The following PIBF1 variants were observed in gnomAD, a reference collection of about 807,000 sequenced individuals.
PIBF1 encodes progesterone immunomodulatory binding factor 1.
In PIBF1, 90 loss-of-function variants were observed where a neutral mutation model predicts 112.5. The ratio of observed to expected loss-of-function variants is 0.80; its 90% CI spans 0.67 to 0.95. The LOEUF (loss-of-function observed/expected upper bound fraction) is 0.95. Ranked by LOEUF, PIBF1 falls within the 40% of genes least tolerant of loss-of-function variation. The pLI, the probability that PIBF1 is intolerant of heterozygous loss-of-function variation, is 0.00. For missense variants in PIBF1, 915 were observed against 852.3 expected (o/e 1.07, Z -0.92); for synonymous variants, 301 against 288.6 (o/e 1.04, Z -0.44).
chr13:72,972,680 T>G (rs2042927541), intron 15 of PIBF1, among the ~76,000 whole-genome samples: 1 of 150,882 alleles, frequency 6.6e-6, no homozygotes, highest in Non-Finnish European at 1.5e-5. Context: ...AAAAAAAATG[T>G]TTTTACCTAT....
intron 17 of PIBF1, among the ~76,000 whole-genome samples, chr13:73,010,035 T>C (rs1314748823): frequency 6.6e-6 from 1 of 152,186 alleles, no homozygotes; most frequent in Non-Finnish European, 1.5e-5. Flanking sequence ...GAAATGCAAA[T>C]GTACAAACCA....
intron 5 of PIBF1, among the ~76,000 whole-genome samples, chr13:72,810,340 G>A (rs1427705031): frequency 1.3e-5 from 2 of 152,102 alleles, no homozygotes; most frequent in East Asian, 1.9e-4. Flanking sequence ...TAGTGAATCT[G>A]CACTTAATAA....
intron 12 of PIBF1, among the ~76,000 whole-genome samples, chr13:72,915,243 C>T (rs978698568): frequency 1.3e-5 from 2 of 152,088 alleles, no homozygotes; most frequent in Admixed American, 6.6e-5. Context: ...ACATGGACTT[C>T]TCTCCTATTC....
chr13:72,835,060 A>G (rs1049321383), intron 8 of PIBF1, among the ~76,000 whole-genome samples, 183 bp from the exon 9 acceptor site: 1 of 152,298 alleles, frequency 6.6e-6, no homozygotes, highest in Non-Finnish European at 1.5e-5. Flanking sequence ...GAAATCTTAG[A>G]TCATACTAGT....
At chr13:72,870,842 A>C (rs926542756) in intron 10 of PIBF1, among the ~76,000 whole-genome samples, 6 of 152,012 alleles carry the variant, frequency 3.9e-5, no homozygotes, top group East Asian at 1.9e-4. Flanking sequence ...AAAAAAAAAA[A>C]CAGATAATTC....
intron 15 of PIBF1, among the ~76,000 whole-genome samples, chr13:72,968,242 A>C (rs1256032242): frequency 6.6e-6 from 1 of 151,908 alleles, no homozygotes; most frequent in Non-Finnish European, 1.5e-5. Context: ...AGCTAGCCAC[A>C]TATAGATGTT....
chr13:72,855,248 A>C (rs184135973), intron 10 of PIBF1, among the ~76,000 whole-genome samples: 1 of 152,328 alleles, frequency 6.6e-6, no homozygotes, highest in Non-Finnish European at 1.5e-5. Flanking sequence ...CTATTGTAAA[A>C]ATCTTTTAGA....
intron 14 of PIBF1, among the ~76,000 whole-genome samples, chr13:72,951,172 G>A (rs1030989931): frequency 2.6e-5 from 4 of 152,180 alleles, no homozygotes; most frequent in African/African-American, 9.7e-5. Flanking sequence ...ACATGCGTGT[G>A]CCTTTAATAC....
At chr13:72,837,441 T>C (rs1235052754) in intron 9 of PIBF1, among the ~76,000 whole-genome samples, 1 of 152,128 alleles carries the variant, frequency 6.6e-6, no homozygotes, top group Non-Finnish European at 1.5e-5. Flanking sequence ...ACTCTTTAAA[T>C]AGCATTATTT....
chr13:72,975,463 AG>A (rs947200821), intron 16 of PIBF1, among the ~76,000 whole-genome samples: 1 of 152,180 alleles, frequency 6.6e-6, no homozygotes, highest in Non-Finnish European at 1.5e-5. Context: ...TATTGTTGAG[AG>A]AGGGGAACTG....
intron 14 of PIBF1, among the ~76,000 whole-genome samples, chr13:72,943,741 C>G (rs1025749621): frequency 6.6e-5 from 10 of 152,212 alleles, no homozygotes; most frequent in African/African-American, 2.4e-4. Flanking sequence ...TTCTTTTTCT[C>G]TGATTATGTC....
At chr13:72,827,238 A>ATTT (rs35211035) in intron 7 of PIBF1, 120 bp downstream of exon 7, 33 of 141,900 alleles carry the variant, frequency 2.3e-4, no homozygotes, top group Middle Eastern at 3.2e-3. Flanking sequence ...AAAAAGATAA[A>ATTT]TTTTTTTTTT....
At chr13:73,008,591 C>T (rs2044107981) in intron 17 of PIBF1, among the ~76,000 whole-genome samples, 1 of 152,094 alleles carries the variant, frequency 6.6e-6, no homozygotes, top group South Asian at 2.1e-4. Context: ...TAATTCCTGC[C>T]TCTGTGGATC....
intron 11 of PIBF1, among the ~76,000 whole-genome samples, chr13:72,901,470 C>A (rs1027167371): frequency 3.9e-5 from 6 of 152,162 alleles, no homozygotes; most frequent in African/African-American, 1.2e-4. Flanking sequence ...AGGCGGATCA[C>A]CTGAGGACAG....
chr13:72,987,846 A>ATTTTTTTT (rs1566522078), intron 16 of PIBF1, among the ~76,000 whole-genome samples: 1 of 66,780 alleles, frequency 1.5e-5, no homozygotes, highest in Non-Finnish European at 2.6e-5. Context: ...TAATTTATTT[A>ATTTTTTTT]TTTATTTATT....
At chr13:72,908,169 C>T (rs1156695336) in intron 11 of PIBF1, among the ~76,000 whole-genome samples, 1 of 152,082 alleles carries the variant, frequency 6.6e-6, no homozygotes, top group African/African-American at 2.4e-5. Flanking sequence ...CTTTGTAAGC[C>T]TCTGTCAAAT....
chr13:72,835,408 T>C, intron 9 of PIBF1, 40 bp downstream of exon 9: 11 of 1,467,254 alleles, frequency 7.5e-6, no homozygotes, highest in Non-Finnish European at 9.2e-6. Flanking sequence ...TTTATTTATC[T>C]TTGGAGGTTT....
intron 14 of PIBF1, among the ~76,000 whole-genome samples, chr13:72,937,267 A>AT (rs553811549): frequency 1.3e-5 from 2 of 151,756 alleles, no homozygotes; most frequent in Non-Finnish European, 2.9e-5. Flanking sequence ...GATTAATTGA[A>AT]TTTTTTTATT....
At chr13:72,954,615 G>T (rs187198173) in intron 14 of PIBF1, among the ~76,000 whole-genome samples, 2 of 152,172 alleles carry the variant, frequency 1.3e-5, no homozygotes, top group Non-Finnish European at 2.9e-5. Context: ...TACTGAGTAG[G>T]GTTAAGGCCT....
Sources: allele counts gnomAD v4.1 joint callset (sites outside exome capture counted in the v4.1 genomes callset), GRCh38; gene constraint gnomAD v4.1.1; transcripts MANE v1.5; gene names NCBI Gene and HGNC (gene_info 2026-07-23, HGNC 2026-07-21).